The following ERP44 variants were observed in gnomAD, a reference collection of about 807,000 sequenced individuals.
ERP44 encodes endoplasmic reticulum protein 44, also known as endoplasmic reticulum resident protein 44.
ERP44 carries 25 observed loss-of-function variants against 53.4 expected under a neutral mutation model. The ratio of observed to expected loss-of-function variants is 0.47; its 90% confidence interval spans 0.34 to 0.65. The LOEUF is 0.65. ERP44 is among the 30% of genes least tolerant of loss of function. The probability of loss-of-function intolerance (pLI) is 0.01; values close to 1 mark genes in which losing one functional copy is unlikely to be tolerated. For missense variants in ERP44, 338 were observed against 493.2 expected, an observed-to-expected ratio of 0.69 and a Z score of 2.98; for synonymous variants, 145 against 161.2, an observed-to-expected ratio of 0.90 and a Z score of 0.76.
intron 1 of ERP44, among the ~76,000 whole-genome samples, chr9:100,094,285 T>C (rs548435296): frequency 6.7e-6 from 1 of 148,584 alleles, no homozygotes; most frequent in South Asian, 2.1e-4. Context: ...AACAAATATA[T>C]GCCAAAATAA....
chr9:100,070,799 G>C (rs376713756), intron 1 of ERP44, among the ~76,000 whole-genome samples: 2 of 152,100 alleles, frequency 1.3e-5, no homozygotes, highest in Non-Finnish European at 2.9e-5. Context: ...CTGCCATATC[G>C]GATGACAGGA....
intron 1 of ERP44, among the ~76,000 whole-genome samples, chr9:100,068,442 G>A (rs1245327163): frequency 1.6e-5 from 2 of 123,124 alleles, no homozygotes; most frequent in African/African-American, 3.0e-5. Flanking sequence ...GGAGGTGAGA[G>A]GTGCCTCTGC....
intron 3 of ERP44, among the ~76,000 whole-genome samples, chr9:100,057,012 G>A (rs1426286601): frequency 6.6e-6 from 1 of 152,136 alleles, no homozygotes; most frequent in Non-Finnish European, 1.5e-5. Flanking sequence ...GAACAGAATG[G>A]AGATACGTAA....
chr9:100,056,935 T>C (rs1262692919), intron 3 of ERP44, among the ~76,000 whole-genome samples: 2 of 152,186 alleles, frequency 1.3e-5, no homozygotes, highest in Non-Finnish European at 2.9e-5. Context: ...TTTTAAGGGC[T>C]TTAAGAAGGG....
intron 1 of ERP44, among the ~76,000 whole-genome samples, chr9:100,093,135 G>A (rs1457592946): frequency 6.6e-6 from 1 of 152,182 alleles, no homozygotes; most frequent in African/African-American, 2.4e-5. Context: ...AAGCTACAGT[G>A]CATTTAAAGG....
At chr9:100,021,429 C>G (rs1830587412) in intron 5 of ERP44, among the ~76,000 whole-genome samples, 1 of 152,228 alleles carries the variant, frequency 6.6e-6, no homozygotes, top group Non-Finnish European at 1.5e-5. Flanking sequence ...AGTCCTTTGT[C>G]TCTGACCCAG....
In ERP44 at chr9:99,979,366, TA is replaced by T. The variant is rs1290832149; in HGVS notation, c.*3245del. 2 of 151,976 alleles carry T rather than the reference TA, an allele frequency of 1.3e-5. No homozygotes were observed. The highest frequency in any genetic ancestry group is 4.8e-5 in the African/African-American group (2 of 41,394). 9.4% of individuals were successfully genotyped at this position (151,976 alleles called of 1,614,324 possible). On this transcript the variant is annotated 3_prime_UTR_variant, in exon 12 of 12. Coordinates refer to ENST00000262455, the MANE Select transcript of ERP44 (RefSeq NM_015051.3). ...TTCTTGACAACCTTAGCATTTTCTA[TA>T]AATTTAAGCTTATTGTGAGCTTGAA... is the stretch of plus-strand genomic sequence containing the variant.
chr9:100,004,333 C>A (rs1390229180), intron 10 of ERP44, among the ~76,000 whole-genome samples: 2 of 152,182 alleles, frequency 1.3e-5, no homozygotes, highest in African/African-American at 4.8e-5. Context: ...ATGATCAGGG[C>A]TGTGGGCAGC....
rs560003551 is a variant in ERP44 at position 100,042,498 on chromosome 9, G to A, written c.286+9919C>T. Reference sequence around the variant, plus strand: ...TACAATCGCTATGGAGAACAGTTTGGAGGTGACTCAAAAAAAGTAAAAATA... The same window carrying A: ...TACAATCGCTATGGAGAACAGTTTGAAGGTGACTCAAAAAAAGTAAAAATA... On this transcript the variant is annotated intron_variant, in intron 4 of 11. Transcript: ENST00000262455. Among the ~76,000 whole-genome samples the A allele has an allele frequency of 2.0e-5, 3 of 152,222 alleles. No individual in the cohort carries two copies. In the East Asian group the frequency reaches 5.8e-4, roughly 29 times the overall value.
intron 4 of ERP44, among the ~76,000 whole-genome samples, chr9:100,024,494 C>T (rs1830631168): frequency 6.6e-6 from 1 of 150,566 alleles, no homozygotes; most frequent in South Asian, 2.1e-4. Context: ...AGTTGTCTCT[C>T]CTCTACCCAC....
intron 1 of ERP44, among the ~76,000 whole-genome samples, chr9:100,061,623 T>C (rs1025508673): frequency 2.0e-5 from 3 of 147,766 alleles, no homozygotes; most frequent in African/African-American, 4.9e-5. Context: ...GAAATATATA[T>C]AAATATATAT....
At chr9:100,059,356 C>A (rs1279997680) in intron 2 of ERP44, among the ~76,000 whole-genome samples, 2 of 152,120 alleles carry the variant, frequency 1.3e-5, no homozygotes, top group African/African-American at 4.8e-5. Context: ...TTAATTATAT[C>A]CACAACCACA....
intron 4 of ERP44, among the ~76,000 whole-genome samples, chr9:100,043,291 A>AAAAAAAAAAAAAAAAAAAAAAAT (rs1168903331): frequency 1.3e-5 from 1 of 74,878 alleles, no homozygotes; most frequent in African/African-American, 5.8e-5. Context: ...AAAAAAAAAA[A>AAAAAAAAAAAAAAAAAAAAAAAT]GATAAATAAG....
intron 7 of ERP44, 125 bp downstream of exon 7, chr9:100,018,131 T>A: frequency 1.4e-6 from 1 of 705,174 alleles, no homozygotes; most frequent in South Asian, 1.6e-5. Context: ...CACAAGATGA[T>A]GCTTCAAACT....
intron 1 of ERP44, among the ~76,000 whole-genome samples, chr9:100,091,184 T>C (rs1318914480): frequency 6.6e-6 from 1 of 152,228 alleles, no homozygotes; most frequent in Non-Finnish European, 1.5e-5. Flanking sequence ...AATATAATGC[T>C]CAAAGTTCTA....
intron 6 of ERP44, among the ~76,000 whole-genome samples, chr9:100,019,928 T>A (rs1179189923): frequency 6.6e-6 from 1 of 151,874 alleles, no homozygotes; most frequent in East Asian, 1.9e-4. Context: ...CTGGTTAGAA[T>A]TTAAGAAAAT....
intron 1 of ERP44, among the ~76,000 whole-genome samples, chr9:100,082,232 G>A (rs1012088701): frequency 6.6e-6 from 1 of 151,674 alleles, no homozygotes; most frequent in African/African-American, 2.4e-5. Context: ...AAATATACAT[G>A]CAATGTAATG....
At chr9:100,030,508 C>T (rs1825771704) in intron 4 of ERP44, among the ~76,000 whole-genome samples, 2 of 152,172 alleles carry the variant, frequency 1.3e-5, no homozygotes, top group East Asian at 1.9e-4. Context: ...TCTGGTGGAA[C>T]TTGGGTTCAA....
At chr9:100,057,945 A>G (rs1366502847) in intron 2 of ERP44, 86 bp from the exon 3 acceptor site, 10 of 1,043,150 alleles carry the variant, frequency 9.6e-6, no homozygotes, top group East Asian at 2.5e-5. Flanking sequence ...TCTTTGTCCA[A>G]TATAAGGGTC....
Sources: gnomAD v4.1 joint callset for allele counts (sites outside exome capture counted in the v4.1 genomes callset) on GRCh38, gnomAD v4.1.1 for gene constraint, MANE v1.5 for transcripts, NCBI Gene and HGNC (gene_info 2026-07-23, HGNC 2026-07-21) for gene names.